RAP1A: variants seen among roughly 807,000 people sequenced by gnomAD.
RAP1A encodes ras-related protein Rap-1A.
In RAP1A, 6 loss-of-function variants were observed where a neutral mutation model predicts 26.4. That is an observed-to-expected ratio of 0.23 (90% confidence interval 0.12 to 0.45). The LOEUF is 0.45. RAP1A is among the 20% of genes least tolerant of loss of function. The pLI, the probability that RAP1A is intolerant of heterozygous loss-of-function variation, is 0.99. For synonymous variants in RAP1A, 73 were observed against 79.4 expected, an observed-to-expected ratio of 0.92 and a Z score of 0.43; for missense variants, 121 against 217.2, an observed-to-expected ratio of 0.56 and a Z score of 2.78.
chr1:111,592,214 C>T (rs146771779), intron 1 of RAP1A, among the ~76,000 whole-genome samples: 2 of 152,294 alleles, frequency 1.3e-5, no homozygotes, highest in East Asian at 1.9e-4. Flanking sequence ...GCTTATAATG[C>T]GAGCAGAAGC....
chr1:111,636,251 GTTTC>G (rs1659726343), intron 1 of RAP1A, among the ~76,000 whole-genome samples: 1 of 152,004 alleles, frequency 6.6e-6, no homozygotes, highest in African/African-American at 2.4e-5. Context: ...ATTAAAAACT[GTTTC>G]TTTGTGAATT....
intron 1 of RAP1A, among the ~76,000 whole-genome samples, chr1:111,583,355 A>G (rs1658297723): frequency 6.6e-6 from 1 of 151,682 alleles, no homozygotes; most frequent in African/African-American, 2.4e-5. Flanking sequence ...CAGTAATCCC[A>G]GTGGCTGGGA....
chr1:111,590,648 C>A (rs1343594573), intron 1 of RAP1A, among the ~76,000 whole-genome samples: 2 of 150,182 alleles, frequency 1.3e-5, no homozygotes, highest in Non-Finnish European at 3.0e-5. Context: ...TGGTCTTGAA[C>A]TCCTGAAAGT....
intron 1 of RAP1A, among the ~76,000 whole-genome samples, chr1:111,657,142 G>T (rs745581727): frequency 1.3e-5 from 2 of 152,220 alleles, no homozygotes; most frequent in African/African-American, 4.8e-5. Context: ...ACACATCAAG[G>T]TTGAGCGTCC....
At chr1:111,550,542 T>A (rs1051198710) in intron 1 of RAP1A, among the ~76,000 whole-genome samples, 3 of 152,260 alleles carry the variant, frequency 2.0e-5, no homozygotes, top group African/African-American at 7.2e-5. Flanking sequence ...TGTTTTCATT[T>A]CTATTCACCC....
intron 1 of RAP1A, among the ~76,000 whole-genome samples, chr1:111,566,739 TG>T (rs1275250483): frequency 6.6e-6 from 1 of 152,036 alleles, no homozygotes; most frequent in East Asian, 1.9e-4. Flanking sequence ...GAAATGTACT[TG>T]GGGTTCTTCC....
At chr1:111,663,748 T>C (rs1414148006) in intron 1 of RAP1A, among the ~76,000 whole-genome samples, 2 of 152,324 alleles carry the variant, frequency 1.3e-5, no homozygotes, top group Non-Finnish European at 2.9e-5. Context: ...TCAATAAATG[T>C]TTATTGAGCA....
At chr1:111,615,786 G>A (rs539440591), upstream of RAP1A, among the ~76,000 whole-genome samples, 13 of 147,196 alleles carry the variant, frequency 8.8e-5, 1 homozygote, top group East Asian at 1.8e-3. Flanking sequence ...AGCCAAGACC[G>A]TGCCACTGCA....
rs1449297008 is a variant in RAP1A, at chr1:111,715,695, ATTC to A, written c.*3303_*3305del. 1.1e-4 allele frequency: 16 copies of A among 152,364 alleles called. No individual in the cohort carries two copies. The highest frequency in any genetic ancestry group is 2.9e-4 in the African/African-American group (12 of 41,584). 9.4% of individuals were successfully genotyped at this position (152,364 alleles called of 1,614,324 possible). ...GCCACCATTTACTCCTCACTGAAAT[ATTC>A]TTCTTCTTTGAGGTTATAATGTACT... On this transcript the variant is annotated 3_prime_UTR_variant, in exon 8 of 8. Coordinates refer to ENST00000369709, the MANE Select transcript of RAP1A (RefSeq NM_002884.4).
chr1:111,703,073 A>G (rs1350122036), intron 4 of RAP1A, among the ~76,000 whole-genome samples: 5 of 152,248 alleles, frequency 3.3e-5, no homozygotes, highest in Non-Finnish European at 2.9e-5. Context: ...ATTTAGGATC[A>G]AAAGATCTGT....
At chr1:111,597,992 T>C (rs1457934464) in intron 1 of RAP1A, among the ~76,000 whole-genome samples, 1 of 152,256 alleles carries the variant, frequency 6.6e-6, no homozygotes, top group Non-Finnish European at 1.5e-5. Context: ...GAGCCTCAGT[T>C]AGGTGCCACT....
intron 4 of RAP1A, among the ~76,000 whole-genome samples, chr1:111,702,854 CT>C (rs1031112796): frequency 2.0e-5 from 3 of 152,136 alleles, no homozygotes; most frequent in African/African-American, 4.8e-5. Flanking sequence ...GTCATTGCCC[CT>C]GACCATTAAC....
chr1:111,641,808 A>G (rs1659899615), intron 1 of RAP1A, among the ~76,000 whole-genome samples: 1 of 152,240 alleles, frequency 6.6e-6, no homozygotes, highest in Non-Finnish European at 1.5e-5. Context: ...GATAGACAAG[A>G]AGATGACTGG....
At chr1:111,681,666 G>A (rs1571556010) in intron 1 of RAP1A, among the ~76,000 whole-genome samples, 1 of 152,092 alleles carries the variant, frequency 6.6e-6, no homozygotes, top group African/African-American at 2.4e-5. Flanking sequence ...GAATGAAAAG[G>A]AATGTACAAA....
intron 1 of RAP1A, among the ~76,000 whole-genome samples, chr1:111,645,037 C>T (rs1660020254): frequency 6.6e-6 from 1 of 152,172 alleles, no homozygotes; most frequent in South Asian, 2.1e-4. Flanking sequence ...ACTGCTGATT[C>T]TCCTTAATCT....
intron 1 of RAP1A, among the ~76,000 whole-genome samples, chr1:111,646,537 T>C (rs768154853): frequency 3.1e-4 from 47 of 152,026 alleles, no homozygotes; most frequent in Admixed American, 5.2e-4. Context: ...TAGAACATCT[T>C]CTCTTTTTCT....
intron 1 of RAP1A, among the ~76,000 whole-genome samples, chr1:111,551,329 C>G (rs754079236): frequency 4.6e-5 from 7 of 152,256 alleles, no homozygotes; most frequent in South Asian, 4.1e-4. Flanking sequence ...TCCTCCGTTA[C>G]TAGTTTCTTC....
At chr1:111,652,412 C>T (rs1660303445) in intron 1 of RAP1A, among the ~76,000 whole-genome samples, 4 of 152,044 alleles carry the variant, frequency 2.6e-5, no homozygotes, top group Admixed American at 2.6e-4. Flanking sequence ...GAGGAGAGGT[C>T]ACCAAACTTT....
rs150902315 is a variant in RAP1A at position 111,552,568 on chromosome 1, A to G, written c.-28+10059A>G. ...ACCATAATTCACCATTTTTTTATCC[A>G]CTATATCCAGAAAATCACCAAAGAC... On this transcript the variant is annotated intron_variant, in intron 1 of 7. Transcript: ENST00000356415. Among the ~76,000 whole-genome samples the G allele has an allele frequency of 3.3e-5, 5 of 152,260 alleles. No homozygotes were observed. The East Asian group carries it at 9.6e-4, about 29-fold the overall frequency.
Sources: allele counts gnomAD v4.1 joint callset (sites outside exome capture counted in the v4.1 genomes callset), GRCh38; gene constraint gnomAD v4.1.1; transcripts MANE v1.5; gene names NCBI Gene and HGNC (gene_info 2026-07-23, HGNC 2026-07-21).